Variants in PPARG observed in about 807,000 individuals in gnomAD.
The protein encoded by PPARG is peroxisome proliferator activated receptor gamma.
PPARG carries 17 observed loss-of-function variants against 39.2 expected under a neutral mutation model. The observed-to-expected ratio is 0.43, with a 90% CI of 0.30 to 0.65. The LOEUF is 0.65. Among genes scored for constraint, PPARG ranks in the 30% least tolerant of loss-of-function variants. The pLI is 0.13. For missense variants in PPARG, 406 were observed against 585.9 expected (o/e 0.69, Z 3.17); for synonymous variants, 223 against 215.7 (o/e 1.03, Z -0.30).
chr3:12,432,336 A>C (rs971447807), intron 7 of PPARG, among the ~76,000 whole-genome samples: 2 of 152,206 alleles, frequency 1.3e-5, no homozygotes, highest in Non-Finnish European at 2.9e-5. Context: ...AGTATAAGGA[A>C]CTCTATTAAT....
chr3:12,371,451 T>G (rs550621212), intron 2 of PPARG, among the ~76,000 whole-genome samples: 2 of 152,356 alleles, frequency 1.3e-5, no homozygotes, highest in Non-Finnish European at 2.9e-5. Flanking sequence ...TTTTGATTAA[T>G]TCAGAGTTCA....
chr3:12,366,368 A>G, intron 2 of PPARG, among the ~76,000 whole-genome samples: 1 of 151,272 alleles, frequency 6.6e-6, no homozygotes, highest in East Asian at 1.9e-4. Context: ...TTTTTTATGT[A>G]GAAGTCATGT....
chr3:12,349,041 A>G (rs1243822047), intron 2 of PPARG, among the ~76,000 whole-genome samples: 4 of 152,196 alleles, frequency 2.6e-5, no homozygotes, highest in African/African-American at 9.6e-5. Flanking sequence ...GTACTTAAAC[A>G]AATATATTGT....
At chr3:12,431,263 A>G (rs1251295065) in intron 7 of PPARG, among the ~76,000 whole-genome samples, 1 of 152,216 alleles carries the variant, frequency 6.6e-6, no homozygotes, top group Non-Finnish European at 1.5e-5. Flanking sequence ...ACATGCTTCT[A>G]TATAACTCTT....
intron 2 of PPARG, among the ~76,000 whole-genome samples, chr3:12,339,627 C>T (rs1351916627): frequency 6.6e-6 from 1 of 152,180 alleles, no homozygotes; most frequent in Non-Finnish European, 1.5e-5. Context: ...CCAGTAACTA[C>T]AGTATCGTGG....
At chr3:12,432,714 T>C (rs553778985) in intron 7 of PPARG, among the ~76,000 whole-genome samples, 1 of 152,340 alleles carries the variant, frequency 6.6e-6, no homozygotes, top group South Asian at 2.1e-4. Context: ...ATTGCTGATA[T>C]AATTATCTAT....
At chr3:12,391,875 A>T (rs917456077) in intron 4 of PPARG, among the ~76,000 whole-genome samples, 4 of 152,240 alleles carry the variant, frequency 2.6e-5, no homozygotes, top group Non-Finnish European at 5.9e-5. Context: ...AACCCAAAAA[A>T]TGGAGTCAGA....
chr3:12,412,565 T>G (rs2050913451), intron 6 of PPARG, among the ~76,000 whole-genome samples: 1 of 152,210 alleles, frequency 6.6e-6, no homozygotes, highest in Non-Finnish European at 1.5e-5. Flanking sequence ...CATTTTGCTT[T>G]CCTGGAAAAA....
At chr3:12,348,978 C>G (rs2048404154) in intron 2 of PPARG, among the ~76,000 whole-genome samples, 1 of 152,194 alleles carries the variant, frequency 6.6e-6, no homozygotes, top group Non-Finnish European at 1.5e-5. Context: ...TAGTCACGTG[C>G]ATGTCTTATA....
chr3:12,310,781 GC>G (rs1335744061), intron 1 of PPARG, among the ~76,000 whole-genome samples: 1 of 105,360 alleles, frequency 9.5e-6, no homozygotes, highest in Admixed American at 1.3e-4. Flanking sequence ...TTTAATAGTT[GC>G]CTTAAATGTA....
chr3:12,348,479 A>G (rs1001458280), intron 2 of PPARG, among the ~76,000 whole-genome samples: 3 of 152,214 alleles, frequency 2.0e-5, no homozygotes, highest in African/African-American at 7.2e-5. Flanking sequence ...AATATCATGA[A>G]CTGGGGTAGA....
intron 5 of PPARG, among the ~76,000 whole-genome samples, chr3:12,397,382 TTATTA>T (rs1559523947): frequency 1.1e-3 from 18 of 15,924 alleles, no homozygotes; most frequent in African/African-American, 2.2e-3. Context: ...TTCCTTTTTA[TTATTA>T]TTATTATTAT....
chr3:12,414,289 C>G lies in PPARG; in HGVS notation c.730-2415C>G, dbSNP rs112095865. The stretch of plus-strand genomic sequence containing the variant: ...ATGTGCAGTTGGTCTTTTCAGGTGT[C>G]CAGATCATCATTTTCTCATGACATG... On this transcript the variant is annotated intron_variant, in intron 6 of 7. Transcript: ENST00000651735. 1.1e-3 allele frequency among the ~76,000 whole-genome samples: 164 copies of G among 152,124 alleles called. 1 individual carries two copies. Among genetic ancestry groups the G allele is most frequent in the African/African-American group, 3.9e-3 (161 of 41,486 alleles).
At position 12,374,465 on chromosome 3, in the gene PPARG, G is replaced by A. The variant is rs139346562; in HGVS notation, c.-8-5239G>A. Among the ~76,000 whole-genome samples, 102 of 152,198 alleles carry A rather than the reference G, an allele frequency of 6.7e-4. No homozygotes were observed. The East Asian group carries it at 0.018, about 27-fold the overall frequency. ...AATACAAAAATTAGCAGGGCATGGT[G>A]GCACACGCCTGTAATCCCAGCTACT... On this transcript the variant is annotated intron_variant, in intron 2 of 7. Transcript: ENST00000651735.
chr3:12,418,981 G>C (rs1332790675), intron 7 of PPARG, among the ~76,000 whole-genome samples: 1 of 152,080 alleles, frequency 6.6e-6, no homozygotes, highest in African/African-American at 2.4e-5. Context: ...TCTCACTCTT[G>C]TTGCCCAGGC....
At chr3:12,290,129 T>C (rs930216177) in intron 1 of PPARG, among the ~76,000 whole-genome samples, 12 of 152,132 alleles carry the variant, frequency 7.9e-5, no homozygotes, top group African/African-American at 2.9e-4. Context: ...AATCAACTGG[T>C]GGCCATCTCA....
intron 5 of PPARG, among the ~76,000 whole-genome samples, chr3:12,394,615 C>T (rs1469616910): frequency 6.6e-6 from 1 of 152,138 alleles, no homozygotes; most frequent in Admixed American, 6.5e-5. Context: ...AGTGTCATGA[C>T]ATCAGAGACT....
intron 2 of PPARG, among the ~76,000 whole-genome samples, chr3:12,339,481 C>T (rs73134737): frequency 3.4e-4 from 52 of 152,282 alleles, no homozygotes; most frequent in African/African-American, 7.9e-4. Flanking sequence ...GCATCAATAA[C>T]GCTGTTTTAA....
At chr3:12,411,570 T>C (rs975365749) in intron 6 of PPARG, among the ~76,000 whole-genome samples, 2 of 152,116 alleles carry the variant, frequency 1.3e-5, no homozygotes, top group Non-Finnish European at 2.9e-5. Context: ...GGAAGTCCTA[T>C]AGAAAGCAAT....
Sources: allele counts gnomAD v4.1 joint callset (sites outside exome capture counted in the v4.1 genomes callset), GRCh38; gene constraint gnomAD v4.1.1; transcripts MANE v1.5; gene names NCBI Gene and HGNC (gene_info 2026-07-23, HGNC 2026-07-21).